LRRC36: variants seen among roughly 807,000 people sequenced by gnomAD.
LRRC36 encodes the protein leucine-rich repeat-containing protein 36.
A neutral mutation model predicts 81.1 loss-of-function variants in LRRC36; 62 were observed. That is an observed-to-expected ratio of 0.76 (90% confidence interval 0.62 to 0.94). LRRC36 has a LOEUF of 0.94. LRRC36 is among the 40% of genes least tolerant of loss of function. The pLI is 0.00. For synonymous variants in LRRC36, 334 were observed against 348.6 expected, an observed-to-expected ratio of 0.96 and a Z score of 0.47; for missense variants, 761 against 881.7, an observed-to-expected ratio of 0.86 and a Z score of 1.73.
intron 4 of LRRC36, among the ~76,000 whole-genome samples, chr16:67,349,237 G>A (rs2038501199): frequency 6.6e-6 from 1 of 151,432 alleles, no homozygotes; most frequent in South Asian, 2.1e-4. Flanking sequence ...TTGCAAAACT[G>A]GAGGAAAAAT....
chr16:67,381,457 G>C (rs548073708), intron 12 of LRRC36, among the ~76,000 whole-genome samples: 7 of 152,188 alleles, frequency 4.6e-5, no homozygotes, highest in Admixed American at 4.6e-4. Flanking sequence ...GGGAGTGAAG[G>C]ATGTACAAAA....
intron 1 of LRRC36, among the ~76,000 whole-genome samples, chr16:67,335,341 C>A (rs1442757030): frequency 2.6e-5 from 4 of 152,174 alleles, no homozygotes; most frequent in Non-Finnish European, 4.4e-5. Context: ...CTCCTGTTTG[C>A]TTTTGAAAGA....
At chr16:67,332,234 T>C (rs1374435072) in intron 1 of LRRC36, among the ~76,000 whole-genome samples, 1 of 152,052 alleles carries the variant, frequency 6.6e-6, no homozygotes, top group African/African-American at 2.4e-5. Flanking sequence ...GTTTGATTTG[T>C]TCTCTGATTT....
At chr16:67,378,537 G>A in intron 11 of LRRC36, 52 bp from the exon 12 acceptor site, 2 of 1,587,618 alleles carry the variant, frequency 1.3e-6, no homozygotes, top group Non-Finnish European at 1.7e-6. Context: ...ACGGCACCCA[G>A]CCTAGAATGT....
At chr16:67,350,157 C>CG (rs2038552617) in intron 4 of LRRC36, 45 bp from the exon 5 acceptor site, 1 of 962,690 alleles carries the variant, frequency 1.0e-6, no homozygotes, top group Non-Finnish European at 1.5e-6. Flanking sequence ...TCTCAGAAGC[C>CG]TTTTTTTTTT....
chr16:67,370,630 CA>C (rs576313559), intron 8 of LRRC36, among the ~76,000 whole-genome samples: 6,152 of 82,624 alleles, frequency 0.074, 120 homozygotes, highest in East Asian at 0.1. Context: ...GAGACTCTCT[CA>C]AAAAAAAAAA....
At chr16:67,380,961 C>T (rs533984263) in intron 12 of LRRC36, among the ~76,000 whole-genome samples, 59 of 152,280 alleles carry the variant, frequency 3.9e-4, no homozygotes, top group African/African-American at 1.1e-3. Flanking sequence ...CAGTGGCTCA[C>T]GCCTGTAATC....
intron 13 of LRRC36, among the ~76,000 whole-genome samples, chr16:67,384,657 T>C (rs2040228160): frequency 6.6e-6 from 1 of 152,220 alleles, no homozygotes; most frequent in African/African-American, 2.4e-5. Context: ...GGAAATGTAT[T>C]ATTGCTTCAG....
chr16:67,344,990 A>T (rs964706648), intron 2 of LRRC36, among the ~76,000 whole-genome samples: 3 of 147,036 alleles, frequency 2.0e-5, no homozygotes, highest in African/African-American at 7.4e-5. Flanking sequence ...CATTTTTACT[A>T]TTTTTTTTTT....
chr16:67,368,784 C>T (rs538857851), intron 8 of LRRC36, among the ~76,000 whole-genome samples: 1 of 152,058 alleles, frequency 6.6e-6, no homozygotes, highest in Admixed American at 6.6e-5. Context: ...ATGGCTTGGG[C>T]TAGACAGATA....
intron 4 of LRRC36, chr16:67,348,397 A>G (rs1218172945): frequency 6.6e-6 from 1 of 152,210 alleles, no homozygotes; most frequent in Non-Finnish European, 1.5e-5. Context: ...CACAAGGGAT[A>G]AAATAAGTAA....
At chr16:67,342,574 G>A (rs2038142242) in intron 2 of LRRC36, among the ~76,000 whole-genome samples, 1 of 152,110 alleles carries the variant, frequency 6.6e-6, no homozygotes, top group Non-Finnish European at 1.5e-5. Context: ...TTTAAGTCAG[G>A]GGATGATGGA....
intron 12 of LRRC36, among the ~76,000 whole-genome samples, chr16:67,379,916 G>C (rs775340350): frequency 6.6e-6 from 1 of 151,816 alleles, no homozygotes. Context: ...CATAGTGTAG[G>C]CATTTCTACA....
At chr16:67,348,289 C>T (rs2038448721) in intron 4 of LRRC36, among the ~76,000 whole-genome samples, 1 of 151,946 alleles carries the variant, frequency 6.6e-6, no homozygotes. Context: ...TTCCAGATAT[C>T]CTTGTACTAT....
At chr16:67,366,417 C>T (rs1458572042) in intron 7 of LRRC36, among the ~76,000 whole-genome samples, 1 of 152,054 alleles carries the variant, frequency 6.6e-6, no homozygotes, top group Non-Finnish European at 1.5e-5. Flanking sequence ...GAGTTTGAGA[C>T]CAGCATGGCC....
At chr16:67,367,602 C>T (rs897580231) in intron 8 of LRRC36, 145 bp downstream of exon 8, 6 of 701,438 alleles carry the variant, frequency 8.6e-6, no homozygotes, top group African/African-American at 5.4e-5. Context: ...CTTGGAACCT[C>T]GAGAAATCTG....
intron 5 of LRRC36, among the ~76,000 whole-genome samples, chr16:67,357,885 C>G (rs1196999773): frequency 6.6e-6 from 1 of 152,166 alleles, no homozygotes; most frequent in Non-Finnish European, 1.5e-5. Flanking sequence ...GCCCCTGTAT[C>G]TGTATGATAA....
At position 67,376,766 on chromosome 16, in the gene LRRC36, C is replaced by G. The variant is rs753255139; in HGVS notation, c.1700C>G (p.Ala567Gly). Residue 567 changes from alanine (A) to glycine (G), a missense_variant, in exon 11 of 14, where the codon GCT becomes GGT. Coordinates refer to ENST00000329956, the MANE Select transcript of LRRC36 (RefSeq NM_018296.6). Reference sequence around the variant, plus strand: ...TTGCTTCTGTCTTTGGTAGTCCCGGCTCCTTCTCAGCCGAGGTGTTGCTCA... The same window carrying G: ...TTGCTTCTGTCTTTGGTAGTCCCGGGTCCTTCTCAGCCGAGGTGTTGCTCA... ...RDLLLSLVVP[A>G]PSQPRCCSHP... is the part of the protein sequence containing the mutation. 6.2e-7 allele frequency: 1 copy of G among 1,613,792 alleles called. No homozygotes were observed.
At chr16:67,328,801 T>C (rs75293506) in intron 1 of LRRC36, among the ~76,000 whole-genome samples, 2,028 of 152,162 alleles carry the variant, frequency 0.013, 47 homozygotes, top group African/African-American at 0.044. Flanking sequence ...CTTTCACGTA[T>C]ACCTCACCTA....
Sources: allele counts gnomAD v4.1 joint callset (sites outside exome capture counted in the v4.1 genomes callset), GRCh38; gene constraint gnomAD v4.1.1; transcripts MANE v1.5; gene names NCBI Gene and HGNC (gene_info 2026-07-23, HGNC 2026-07-21).